SKOR1: variants seen among roughly 807,000 people sequenced by gnomAD.
SKOR1 encodes the protein SKI family transcriptional corepressor 1.
A neutral mutation model predicts 72.4 loss-of-function variants in SKOR1; 38 were observed. The observed-to-expected ratio is 0.52, with a 90% CI of 0.40 to 0.69. SKOR1 has a LOEUF of 0.69. SKOR1 is among the 30% of genes least tolerant of loss of function. SKOR1 has a pLI of 0.00. For missense variants in SKOR1, 1,320 were observed against 1,343.2 expected (o/e 0.98, Z 0.27); for synonymous variants, 642 against 599.4 (o/e 1.07, Z -1.04).
chr15:67,827,461 A>G lies in SKOR1; in HGVS notation c.1633A>G (p.Ser545Gly). 1 of 1,521,270 alleles carries G rather than the reference A, an allele frequency of 6.6e-7. No homozygotes were observed. The highest frequency in any genetic ancestry group is 8.8e-7 in the Non-Finnish European group (1 of 1,141,570). 94.2% of individuals were successfully genotyped at this position (1,521,270 alleles called of 1,614,324 possible). ...PLDGAEPAKESGLGAEERCPS... is the reference protein window; with the variant it reads ...PLDGAEPAKEGGLGAEERCPS... ...GGACGGTGCCGAGCCAGCCAAAGAGAGTGGCCTCGGCGCGGAGGAGCGCTG... is the reference window on the plus strand; with the variant it reads ...GGACGGTGCCGAGCCAGCCAAAGAGGGTGGCCTCGGCGCGGAGGAGCGCTG... The change falls in exon 2 of 9, where the codon AGT becomes GGT. Residue 545 changes from serine (S) to glycine (G), a missense_variant. Physicochemically the swap from Ser to Gly is moderately conservative, Grantham distance 56. This residue lies in a region of SKOR1 where 1,099 missense variants were observed against 1,025.5 expected (regional missense o/e 1.07). Transcript: ENST00000380035.
Position 67,833,092 on chromosome 15 carries a change from C to G in SKOR1, c.2738-100C>G. ...CCCCATCCCTGGAGTTGTTTCTGCGCGGAGCTTAGCCCTGGGGAGAGGAGG... is the reference window on the plus strand; with the variant it reads ...CCCCATCCCTGGAGTTGTTTCTGCGGGGAGCTTAGCCCTGGGGAGAGGAGG... On this transcript the variant is annotated intron_variant, in intron 7 of 8. Transcript: ENST00000380035. This position sits in a 1 kb window ranked among gnomAD's most constrained non-coding sequence, Gnocchi z 6.0. 3.2e-6 allele frequency: 4 copies of G among 1,263,262 alleles called. No individual in the cohort carries two copies. Among genetic ancestry groups the G allele is most frequent in the Non-Finnish European group, 4.6e-6 (4 of 878,090 alleles). 78.3% of individuals were successfully genotyped at this position (1,263,262 alleles called of 1,614,324 possible).
At position 67,826,816 on chromosome 15, in the gene SKOR1, G is replaced by C. The variant is rs2090962297; in HGVS notation, c.988G>C (p.Glu330Gln). 1 of 1,528,356 alleles carries C rather than the reference G, an allele frequency of 6.5e-7. No individual in the cohort carries two copies. Among genetic ancestry groups the C allele is most frequent in the African/African-American group, 1.4e-5 (1 of 72,658 alleles). 94.7% of individuals were successfully genotyped at this position (1,528,356 alleles called of 1,614,324 possible). ...PPPHKSLRCG[E>Q]DEAAGPPGPP... Reference sequence around the variant, plus strand: ...GCCCCACAAAAGCCTGCGCTGTGGCGAAGATGAGGCTGCCGGGCCTCCGGG... The same window carrying C: ...GCCCCACAAAAGCCTGCGCTGTGGCCAAGATGAGGCTGCCGGGCCTCCGGG... The change falls in exon 2 of 9, where the codon GAA becomes CAA. Residue 330 changes from glutamate to glutamine, a missense_variant. This residue lies in a region of SKOR1 where 1,099 missense variants were observed against 1,025.5 expected (regional missense o/e 1.07). Coordinates refer to ENST00000380035, the MANE Select transcript of SKOR1 (RefSeq NM_001365915.1).
At position 67,832,348 on chromosome 15, in the gene SKOR1, G is replaced by A. The variant is rs899146518; in HGVS notation, c.2662G>A (p.Asp888Asn). Residue 888 changes from aspartate to asparagine, a missense_variant and splice_region_variant, in exon 6 of 9, where the codon GAT becomes AAT. By Grantham distance (23) the Asp-to-Asn change is conservative. Around this residue, in one of 3 missense-constraint regions of SKOR1, gnomAD observed 1,099 missense variants for 1,025.5 expected, o/e 1.07. Transcript: ENST00000380035. This position sits in a 1 kb window ranked among gnomAD's most constrained non-coding sequence, Gnocchi z 4.5. ...GGAACGGGAATTTCAGAGTCTCAAA[G>A]GTACCCACTGCCATCCTGCCTCACC... ...KLEREFQSLK[D>N]NFQDQMKREL... is the part of the protein sequence containing the mutation. 3.1e-6 allele frequency: 5 copies of A among 1,613,936 alleles called. No individual in the cohort carries two copies. Among genetic ancestry groups the A allele is most frequent in the Non-Finnish European group, 2.5e-6 (3 of 1,179,976 alleles).
At position 67,833,797 on chromosome 15, in the gene SKOR1, C is replaced by G. The variant is rs1156335818; in HGVS notation, c.2859C>G (p.Cys953Trp). ...GCAAGATGCTGACGCCCCGCCACTGCACTGGCAACTGCTCCTTCAAGCCAC... is the reference window on the plus strand; with the variant it reads ...GCAAGATGCTGACGCCCCGCCACTGGACTGGCAACTGCTCCTTCAAGCCAC... ...FSCKMLTPRH[C>W]TGNCSFKPPL... is the part of the protein sequence containing the mutation. Residue 953 changes from cysteine (C) to tryptophan (W), a missense_variant, in exon 9 of 9, where the codon TGC (cysteine) becomes TGG (tryptophan). Cys to Trp is a radical substitution (Grantham distance 215). Around this residue, in one of 3 missense-constraint regions of SKOR1, gnomAD observed 1,099 missense variants for 1,025.5 expected, o/e 1.07. Coordinates refer to ENST00000380035, the MANE Select transcript of SKOR1 (RefSeq NM_001365915.1). The surrounding 1 kb of genome is among the most constrained non-coding windows in gnomAD (Gnocchi z 6.0). The G allele has an allele frequency of 6.2e-7, 1 of 1,612,956 alleles. No individual in the cohort carries two copies. Among genetic ancestry groups the G allele is most frequent in the East Asian group, 2.2e-5 (1 of 44,874 alleles).
intron 3 of SKOR1, 32 bp downstream of exon 3, chr15:67,829,301 A>G: frequency 1.3e-6 from 2 of 1,505,318 alleles, no homozygotes; most frequent in South Asian, 1.2e-5. Flanking sequence ...GGCCACTGTA[A>G]TGGGGGAACC....
chr15:67,827,678 G>T lies in SKOR1; in HGVS notation c.1850G>T (p.Gly617Val). The T allele has an allele frequency of 6.5e-7, 1 of 1,534,978 alleles. No homozygotes were observed. Residue 617 changes from glycine (G) to valine (V), a missense_variant, in exon 2 of 9, where the codon GGC (glycine) becomes GTC (valine). Gly to Val is a moderately radical substitution (Grantham distance 109). Transcript: ENST00000380035. ...KLYGSAREAY[G>V]AGPARGPGPG... ...TACGGGAGCGCCCGGGAGGCGTACG[G>T]CGCGGGGCCTGCTCGGGGGCCGGGA... is the stretch of plus-strand genomic sequence containing the variant.
Position 67,827,934 on chromosome 15 carries a change from C to G in SKOR1, c.2106C>G (p.Ser702=). Residue 702 remains serine, a synonymous_variant, in exon 2 of 9, where the codon TCC becomes TCG. Coordinates refer to ENST00000380035, the MANE Select transcript of SKOR1 (RefSeq NM_001365915.1). The part of the protein sequence containing the change: ...EQPTGPPSAT[S]SGADGPANSP... ...CCACTGGACCCCCTTCCGCCACCTCCTCTGGCGCGGACGGTCCCGCAAACT... is the reference window on the plus strand; with the variant it reads ...CCACTGGACCCCCTTCCGCCACCTCGTCTGGCGCGGACGGTCCCGCAAACT... The G allele has an allele frequency of 6.3e-7, 1 of 1,581,102 alleles. No homozygotes were observed. The highest frequency in any genetic ancestry group is 8.6e-7 in the Non-Finnish European group (1 of 1,164,958).
chr15:67,826,532 C>T lies in SKOR1; in HGVS notation c.704C>T (p.Thr235Met). Residue 235 changes from threonine to methionine, a missense_variant, in exon 2 of 9, where the codon ACG (threonine) becomes ATG (methionine). Transcript: ENST00000380035. ...HSHRTPDAKY[T>M]QPDAANFNSW... ...CACCGAACACCCGACGCCAAGTACACGCAGCCCGATGCCGCCAACTTCAAC... is the reference window on the plus strand; with the variant it reads ...CACCGAACACCCGACGCCAAGTACATGCAGCCCGATGCCGCCAACTTCAAC... 6.2e-7 allele frequency: 1 copy of T among 1,613,822 alleles called. No homozygotes were observed. Among genetic ancestry groups the T allele is most frequent in the Non-Finnish European group, 8.5e-7 (1 of 1,179,752 alleles).
At chr15:67,830,347 G>A in intron 4 of SKOR1, 49 bp downstream of exon 4, 1 of 1,568,128 alleles carries the variant, frequency 6.4e-7, no homozygotes, top group Non-Finnish European at 8.8e-7. Context: ...CAGGAGCTGG[G>A]ACCCAGGTCG....
rs2091020062 is a variant in SKOR1 at position 67,832,970 on chromosome 15, T to C, written c.2738-222T>C. ...ATTACCTGGGAAGTAATGCCTAAGT[T>C]TGCTTTAATTTTGGTTAGATCCATC... On this transcript the variant is annotated intron_variant, in intron 7 of 8. Coordinates refer to ENST00000380035, the MANE Select transcript of SKOR1 (RefSeq NM_001365915.1). The surrounding 1 kb of genome is among the most constrained non-coding windows in gnomAD (Gnocchi z 4.5). 1 of 602,368 alleles carries C rather than the reference T, an allele frequency of 1.7e-6. No homozygotes were observed. Among genetic ancestry groups the C allele is most frequent in the Non-Finnish European group, 2.9e-6 (1 of 341,430 alleles). The allele number at this position is 602,368 out of a possible 1,614,324, so 37.3% of individuals were successfully genotyped here.
chr15:67,825,610 T>C lies in SKOR1; in HGVS notation c.8T>C (p.Leu3Ser), dbSNP rs773278889. The C allele has an allele frequency of 1.4e-6, 1 of 721,420 alleles. No individual in the cohort carries two copies. 44.7% of individuals were successfully genotyped at this position (721,420 alleles called of 1,614,324 possible). Residue 3 changes from leucine to serine, a missense_variant, in exon 1 of 9, where the codon TTG (leucine) becomes TCG (serine). Transcript: ENST00000380035. This position sits in a 1 kb window ranked among gnomAD's most constrained non-coding sequence, Gnocchi z 5.6. MA[L>S]LCGLGQVTLR... is the part of the protein sequence containing the mutation. ...AAAAGCCAGGATTTGGCAATGGCTTTGCTGTGTGGCCTTGGGCAAGTCACT... is the reference window on the plus strand; with the variant it reads ...AAAAGCCAGGATTTGGCAATGGCTTCGCTGTGTGGCCTTGGGCAAGTCACT...
chr15:67,832,760 C>A lies in SKOR1; in HGVS notation c.2737+79C>A. The A allele has an allele frequency of 1.7e-6, 2 of 1,142,986 alleles. No homozygotes were observed. The highest frequency in any genetic ancestry group is 1.3e-5 in the South Asian group (1 of 78,844). 70.8% of individuals were successfully genotyped at this position (1,142,986 alleles called of 1,614,324 possible). On this transcript the variant is annotated intron_variant, in intron 7 of 8. Coordinates refer to ENST00000380035, the MANE Select transcript of SKOR1 (RefSeq NM_001365915.1). This position sits in a 1 kb window ranked among gnomAD's most constrained non-coding sequence, Gnocchi z 4.5. ...GCAGGAGCCGCAATGTTGGCTCAGT[C>A]ATTTGGATTTAAATTGAAGGTAATT...
chr15:67,828,977 T>C (rs2090987274), intron 2 of SKOR1, among the ~76,000 whole-genome samples: 1 of 152,088 alleles, frequency 6.6e-6, no homozygotes, highest in African/African-American at 2.4e-5. Flanking sequence ...AGAGTAATTT[T>C]CCCGAGGGCG....
chr15:67,825,735 C>T lies in SKOR1; in HGVS notation c.107+26C>T, dbSNP rs1390239932. 1 of 917,174 alleles carries T rather than the reference C, an allele frequency of 1.1e-6. No homozygotes were observed. 56.8% of individuals were successfully genotyped at this position (917,174 alleles called of 1,614,324 possible). On this transcript the variant is annotated intron_variant, in intron 1 of 8. Coordinates refer to ENST00000380035, the MANE Select transcript of SKOR1 (RefSeq NM_001365915.1). The surrounding 1 kb of genome is among the most constrained non-coding windows in gnomAD (Gnocchi z 5.6). ...GTCTCCTTTACCCCTTCTCCTCCCC[C>T]AAGCCCCGGGGGCTGTTGTTAACGG... is the stretch of plus-strand genomic sequence containing the variant.
Position 67,825,589 on chromosome 15 carries a change from G to A in SKOR1, c.-14G>A, listed in dbSNP as rs1210885383. The A allele has an allele frequency of 1.4e-6, 1 of 725,888 alleles. No homozygotes were observed. The highest frequency in any genetic ancestry group is 1.5e-5 in the South Asian group (1 of 68,050). The allele number at this position is 725,888 out of a possible 1,614,324, so 45.0% of individuals were successfully genotyped here. Reference sequence around the variant, plus strand: ...GCGCACGGATCTGGGCGCTGAAAAAGCCAGGATTTGGCAATGGCTTTGCTG... The same window carrying A: ...GCGCACGGATCTGGGCGCTGAAAAAACCAGGATTTGGCAATGGCTTTGCTG... On this transcript the variant is annotated 5_prime_UTR_variant, in exon 1 of 9. Transcript: ENST00000380035. This position sits in a 1 kb window ranked among gnomAD's most constrained non-coding sequence, Gnocchi z 5.6.
In SKOR1 at chr15:67,833,696, G is replaced by C. The variant is rs780069066; in HGVS notation, c.2804-46G>C. 6.3e-7 allele frequency: 1 copy of C among 1,590,796 alleles called. No individual in the cohort carries two copies. Among genetic ancestry groups the C allele is most frequent in the Non-Finnish European group, 8.6e-7 (1 of 1,160,072 alleles). On this transcript the variant is annotated intron_variant, in intron 8 of 8. Coordinates refer to ENST00000380035, the MANE Select transcript of SKOR1 (RefSeq NM_001365915.1). This position sits in a 1 kb window ranked among gnomAD's most constrained non-coding sequence, Gnocchi z 6.0. ...GAAAGGGTGGACTGCGCGGTGAGGTGAGCCTGGAGAGGCGCCCAGAGTGAC... is the reference window on the plus strand; with the variant it reads ...GAAAGGGTGGACTGCGCGGTGAGGTCAGCCTGGAGAGGCGCCCAGAGTGAC...
Position 67,834,002 on chromosome 15 carries a change from C to G in SKOR1, c.*166C>G, listed in dbSNP as rs977321008. The G allele has an allele frequency of 2.6e-5, 19 of 744,574 alleles. No individual in the cohort carries two copies. The highest frequency in any genetic ancestry group is 3.5e-5 in the African/African-American group (2 of 57,748). 46.1% of individuals were successfully genotyped at this position (744,574 alleles called of 1,614,324 possible). Reference sequence around the variant, plus strand: ...CGGGCTCCCCGGCCTTGCCCGCCCCCTCCCGGGCGTCCCTGTCCAGGGCCC... The same window carrying G: ...CGGGCTCCCCGGCCTTGCCCGCCCCGTCCCGGGCGTCCCTGTCCAGGGCCC... On this transcript the variant is annotated 3_prime_UTR_variant, in exon 9 of 9. Coordinates refer to ENST00000380035, the MANE Select transcript of SKOR1 (RefSeq NM_001365915.1). This position sits in a 1 kb window ranked among gnomAD's most constrained non-coding sequence, Gnocchi z 5.8.
Position 67,827,313 on chromosome 15 carries a change from A to G in SKOR1, c.1485A>G (p.Ala495=). 6.3e-7 allele frequency: 1 copy of G among 1,590,404 alleles called. No homozygotes were observed. The highest frequency in any genetic ancestry group is 8.5e-7 in the Non-Finnish European group (1 of 1,175,966). ...CGTTTCCCATGTTCTGGCCAGCAGC[A>G]GGCAGCCTCCCGGTACCGTCCTACC... The part of the protein sequence containing the change: ...YPTFPMFWPA[A]GSLPVPSYPA... Residue 495 remains alanine, a synonymous_variant, in exon 2 of 9, where the codon GCA becomes GCG. Transcript: ENST00000380035.
chr15:67,833,114 G>C lies in SKOR1; in HGVS notation c.2738-78G>C. 1 of 1,499,060 alleles carries C rather than the reference G, an allele frequency of 6.7e-7. No individual in the cohort carries two copies. Among genetic ancestry groups the C allele is most frequent in the Admixed American group, 1.7e-5 (1 of 57,926 alleles). 92.9% of individuals were successfully genotyped at this position (1,499,060 alleles called of 1,614,324 possible). On this transcript the variant is annotated intron_variant, in intron 7 of 8. Transcript: ENST00000380035. The surrounding 1 kb of genome is among the most constrained non-coding windows in gnomAD (Gnocchi z 6.0). The stretch of plus-strand genomic sequence containing the variant: ...GCGCGGAGCTTAGCCCTGGGGAGAG[G>C]AGGAAGCCCGGGCTGTGACCCCGGC...
Sources: gnomAD v4.1 joint callset for allele counts (sites outside exome capture counted in the v4.1 genomes callset) on GRCh38, gnomAD v4.1.1 for gene constraint, gnomAD v4.1.1 regional missense constraint, Gnocchi (gnomAD v3.1) non-coding constraint, MANE v1.5 for transcripts, NCBI Gene and HGNC (gene_info 2026-07-23, HGNC 2026-07-21) for gene names.